UBASH3A: variants seen among roughly 807,000 people sequenced by gnomAD.
The protein encoded by UBASH3A is ubiquitin associated and SH3 domain containing A, also known as ubiquitin-associated and SH3 domain-containing protein A.
UBASH3A carries 63 observed loss-of-function variants against 73.5 expected under a neutral mutation model. The observed-to-expected ratio is 0.86, with a 90% CI of 0.70 to 1.06. The LOEUF (loss-of-function observed/expected upper bound fraction) is 1.06. UBASH3A is among the 50% of genes least tolerant of loss of function. The probability of loss-of-function intolerance (pLI) is 0.00; values close to 1 mark genes in which losing one functional copy is unlikely to be tolerated. For synonymous variants in UBASH3A, 363 were observed against 351.1 expected (o/e 1.03, Z -0.38); for missense variants, 860 against 859.0 (o/e 1.00, Z -0.02).
At chr21:42,437,736 T>C (rs2053653063) in intron 11 of UBASH3A, 156 bp downstream of exon 11, 2 of 679,764 alleles carry the variant, frequency 2.9e-6, no homozygotes, top group Non-Finnish European at 5.2e-6. Flanking sequence ...CCAAGGATGC[T>C]GGCAGGCATG....
At chr21:42,445,498 C>A (rs1484516099) in intron 14 of UBASH3A, among the ~76,000 whole-genome samples, 1 of 152,162 alleles carries the variant, frequency 6.6e-6, no homozygotes, top group African/African-American at 2.4e-5. Flanking sequence ...GTTGCTGAGT[C>A]CCCCCAAGAG....
At chr21:42,421,588 T>C (rs555037667) in intron 7 of UBASH3A, among the ~76,000 whole-genome samples, 1 of 152,354 alleles carries the variant, frequency 6.6e-6, no homozygotes, top group East Asian at 1.9e-4. Context: ...TGCTGGACAT[T>C]TGCTGTGGAC....
chr21:42,412,610 C>T (rs1005560734), intron 3 of UBASH3A, among the ~76,000 whole-genome samples: 1 of 152,186 alleles, frequency 6.6e-6, no homozygotes, highest in African/African-American at 2.4e-5. Flanking sequence ...CCGCTCACTA[C>T]AGGCTCTGAG....
At chr21:42,444,830 A>G (rs2053819461) in intron 14 of UBASH3A, among the ~76,000 whole-genome samples, 187 bp downstream of exon 14, 1 of 152,176 alleles carries the variant, frequency 6.6e-6, no homozygotes, top group Admixed American at 6.5e-5. Flanking sequence ...GGGCTGGTGG[A>G]TAGGTCAGTC....
chr21:42,429,226 C>A (rs986055630), intron 8 of UBASH3A, among the ~76,000 whole-genome samples: 3 of 152,178 alleles, frequency 2.0e-5, no homozygotes, highest in Non-Finnish European at 4.4e-5. Context: ...ATGGCCCTGC[C>A]AACACCTTGA....
rs1329004536 is a variant in UBASH3A, at chr21:42,447,243, T to C, written c.*49T>C. 1.3e-6 allele frequency: 2 copies of C among 1,586,748 alleles called. No individual in the cohort carries two copies. The highest frequency in any genetic ancestry group is 1.8e-5 in the Admixed American group (1 of 55,404). On this transcript the variant is annotated 3_prime_UTR_variant, in exon 15 of 15. Transcript: ENST00000319294. ...CCTCAGAGTGGAGAGGCAGAAACCA[T>C]GTGCAGAGGCTGGGAGATGCTGCTG...
In UBASH3A at chr21:42,437,584, A is replaced by C. The variant is rs769209101; in HGVS notation, c.1486+4A>C. 8 of 1,613,936 alleles carry C rather than the reference A, an allele frequency of 5.0e-6. No individual in the cohort carries two copies. The highest frequency in any genetic ancestry group is 6.8e-6 in the Non-Finnish European group (8 of 1,179,776). On this transcript the variant is annotated splice_donor_region_variant and intron_variant, in intron 11 of 14. Transcript: ENST00000319294. ...ACGGCCAAACTCATCCTGGAAGGTC[A>C]GTGAGAACCTCGGTGAGCCTCTCCT...
At chr21:42,420,796 A>G (rs1304229075) in intron 7 of UBASH3A, among the ~76,000 whole-genome samples, 2 of 152,244 alleles carry the variant, frequency 1.3e-5, no homozygotes, top group South Asian at 2.1e-4. Flanking sequence ...TTCCAACTGC[A>G]TAAGTCAGAC....
chr21:42,444,182 C>T lies in UBASH3A; in HGVS notation c.1739-352C>T, dbSNP rs116982357. The stretch of plus-strand genomic sequence containing the variant: ...TAGCAGGCTCGTGTGACAAAATAAC[C>T]GGCTGACCTTTCTAAAGTGAATCAG... On this transcript the variant is annotated intron_variant, in intron 13 of 14. Transcript: ENST00000319294. 1.3e-4 allele frequency among the ~76,000 whole-genome samples: 20 copies of T among 152,262 alleles called. No homozygotes were observed. The East Asian group carries it at 3.1e-3, about 24-fold the overall frequency.
chr21:42,443,124 G>A, intron 12 of UBASH3A, 188 bp from the exon 13 acceptor site: 1 of 1,398,392 alleles, frequency 7.2e-7, no homozygotes, highest in Non-Finnish European at 9.3e-7. Flanking sequence ...AAGAATGTGT[G>A]CTGGAGATTG....
chr21:42,436,652 G>A (rs1467703923), intron 10 of UBASH3A, among the ~76,000 whole-genome samples: 2 of 152,178 alleles, frequency 1.3e-5, no homozygotes, highest in Non-Finnish European at 2.9e-5. Context: ...TGTTTTTCAA[G>A]GGAGGGGATA....
At chr21:42,440,012 A>T (rs894757564) in intron 11 of UBASH3A, among the ~76,000 whole-genome samples, 1 of 138,456 alleles carries the variant, frequency 7.2e-6, no homozygotes, top group Non-Finnish European at 1.6e-5. Flanking sequence ...CCACACACAC[A>T]ACACACACCC....
chr21:42,441,460 G>A (rs1395822260), intron 11 of UBASH3A, among the ~76,000 whole-genome samples: 1 of 143,142 alleles, frequency 7.0e-6, no homozygotes, highest in African/African-American at 2.6e-5. Context: ...TGATGGGGGA[G>A]GACTCGGGGA....
Position 42,418,622 on chromosome 21 carries a change from T to C in UBASH3A, c.1046+13T>C. 1 of 1,608,932 alleles carries C rather than the reference T, an allele frequency of 6.2e-7. No homozygotes were observed. The highest frequency in any genetic ancestry group is 1.1e-5 in the South Asian group (1 of 90,676). ...GGGTGAAGCACAGGTGAGTGCTGCCTCTGGCTGCAGCCCCGTCATCTCTCT... is the reference window on the plus strand; with the variant it reads ...GGGTGAAGCACAGGTGAGTGCTGCCCCTGGCTGCAGCCCCGTCATCTCTCT... On this transcript the variant is annotated intron_variant, in intron 7 of 14. Coordinates refer to ENST00000319294, the MANE Select transcript of UBASH3A (RefSeq NM_018961.4).
intron 1 of UBASH3A, 137 bp downstream of exon 1, chr21:42,404,195 G>A (rs2052921871): frequency 2.3e-6 from 1 of 427,322 alleles, no homozygotes; most frequent in Non-Finnish European, 4.1e-6. Flanking sequence ...GTAAGACACT[G>A]CCTCTTCACA....
At chr21:42,422,555 C>A (rs115573698) in intron 7 of UBASH3A, among the ~76,000 whole-genome samples, 1 of 152,142 alleles carries the variant, frequency 6.6e-6, no homozygotes, top group South Asian at 2.1e-4. Flanking sequence ...CCTAATCCCA[C>A]GCTTGGGCTT....
intron 8 of UBASH3A, 137 bp downstream of exon 8, chr21:42,426,957 C>G (rs75224711): frequency 0.035 from 39,885 of 1,126,058 alleles, 796 homozygotes; most frequent in Non-Finnish European, 0.041. Flanking sequence ...GCGTGGTCAG[C>G]AAGGGGGCCT....
Position 42,413,219 on chromosome 21 carries a change from G to C in UBASH3A, c.550G>C (p.Ala184Pro). Residue 184 changes from alanine (A) to proline (P), a missense_variant, in exon 4 of 15, where the codon GCA (alanine) becomes CCA (proline). Ala to Pro is a conservative substitution (Grantham distance 27). Coordinates refer to ENST00000319294, the MANE Select transcript of UBASH3A (RefSeq NM_018961.4). This position sits in a 1 kb window ranked among gnomAD's most constrained non-coding sequence, Gnocchi z 4.5. ...CTTCGCCACGGAAGCATCTCTCTTA[G>C]CAGGTGGGCAGCCCTGGCCAGTTGC... ...MTFATEASLLAGTSVSRFWIF... is the reference protein window; with the variant it reads ...MTFATEASLLPGTSVSRFWIF... 6.2e-7 allele frequency: 1 copy of C among 1,614,184 alleles called. No individual in the cohort carries two copies. The highest frequency in any genetic ancestry group is 2.2e-5 in the East Asian group (1 of 44,888).
At chr21:42,420,424 G>T (rs145636136) in intron 7 of UBASH3A, among the ~76,000 whole-genome samples, 17 of 152,084 alleles carry the variant, frequency 1.1e-4, no homozygotes, top group African/African-American at 4.1e-4. Context: ...GCCTGCAGTT[G>T]GTTGAATCCA....
Sources: gnomAD v4.1 joint callset for allele counts (sites outside exome capture counted in the v4.1 genomes callset) on GRCh38, gnomAD v4.1.1 for gene constraint, Gnocchi (gnomAD v3.1) non-coding constraint, MANE v1.5 for transcripts, NCBI Gene and HGNC (gene_info 2026-07-23, HGNC 2026-07-21) for gene names.